The following TTC39B variants were observed in gnomAD, a reference collection of about 807,000 sequenced individuals.
TTC39B encodes tetratricopeptide repeat domain 39B, also known as tetratricopeptide repeat protein 39B.
In TTC39B, 92 loss-of-function variants were observed where a neutral mutation model predicts 96.6. The observed-to-expected ratio is 0.95, with a 90% CI of 0.80 to 1.13. TTC39B has a LOEUF of 1.13. Among genes scored for constraint, TTC39B ranks in the 50% most tolerant of loss-of-function variants. The pLI, the probability that TTC39B is intolerant of heterozygous loss-of-function variation, is 0.00. For missense variants in TTC39B, 955 were observed against 809.3 expected (o/e 1.18, Z -2.18); for synonymous variants, 367 against 299.4 (o/e 1.23, Z -2.33).
intron 2 of TTC39B, among the ~76,000 whole-genome samples, chr9:15,248,602 T>TTGAA (rs56177200): frequency 0.099 from 14,964 of 151,308 alleles, 1,128 homozygotes; most frequent in African/African-American, 0.21. Flanking sequence ...GTAAACATTT[T>TTGAA]TGAATGAATG....
chr9:15,293,628 C>G (rs916042466), intron 1 of TTC39B, among the ~76,000 whole-genome samples: 4 of 152,154 alleles, frequency 2.6e-5, no homozygotes, highest in Admixed American at 2.6e-4. Flanking sequence ...TGTACCCCAG[C>G]CAGGTGATTT....
chr9:15,265,764 T>C (rs1421877312), intron 2 of TTC39B, among the ~76,000 whole-genome samples: 1 of 152,152 alleles, frequency 6.6e-6, no homozygotes, highest in Admixed American at 6.5e-5. Flanking sequence ...ATCTTTGCTA[T>C]GATGTGATAA....
chr9:15,293,260 T>C (rs1331755161), intron 1 of TTC39B, among the ~76,000 whole-genome samples: 1 of 152,164 alleles, frequency 6.6e-6, no homozygotes, highest in African/African-American at 2.4e-5. Context: ...CTGTACCATC[T>C]AGGATTGTGT....
intron 2 of TTC39B, among the ~76,000 whole-genome samples, chr9:15,233,127 C>A (rs943319956): frequency 2.6e-5 from 4 of 152,166 alleles, no homozygotes; most frequent in Admixed American, 6.5e-5. Context: ...TCAGATAACA[C>A]CAGGGTGTAG....
At chr9:15,200,205 T>G (rs997802945) in intron 7 of TTC39B, among the ~76,000 whole-genome samples, 1 of 152,224 alleles carries the variant, frequency 6.6e-6, no homozygotes, top group Admixed American at 6.5e-5. Flanking sequence ...AGGGGCCATA[T>G]GCGGTCCAAA....
intron 2 of TTC39B, among the ~76,000 whole-genome samples, chr9:15,253,119 A>G (rs1822624424): frequency 6.6e-6 from 1 of 152,212 alleles, no homozygotes; most frequent in African/African-American, 2.4e-5. Context: ...TAGGTGTGGT[A>G]GTCTGAATAA....
At chr9:15,233,519 C>G (rs10961927) in intron 2 of TTC39B, among the ~76,000 whole-genome samples, 13,444 of 132,428 alleles carry the variant, frequency 0.1, 998 homozygotes, top group Non-Finnish European at 0.12. Context: ...CCACGCCTGA[C>G]TGGTTTTCGT....
chr9:15,285,872 C>A (rs893754410), intron 1 of TTC39B, among the ~76,000 whole-genome samples: 8 of 152,100 alleles, frequency 5.3e-5, no homozygotes. Context: ...AAAGAATATA[C>A]AAAGGACACC....
At chr9:15,188,199 A>G (rs963924887) in intron 13 of TTC39B, 67 bp from the exon 14 acceptor site, 12 of 1,475,784 alleles carry the variant, frequency 8.1e-6, no homozygotes, top group Admixed American at 4.6e-5. Flanking sequence ...CTAATGGAAA[A>G]ATACATAAAA....
chr9:15,169,776 C>T (rs1347259734), exon 20 of TTC39B: 1 of 151,988 alleles, frequency 6.6e-6, no homozygotes, highest in East Asian at 1.9e-4. Flanking sequence ...ATATAAATAA[C>T]AAAAAAGATT....
Position 15,182,217 on chromosome 9 carries a change from T to G in TTC39B, c.1723+90A>C. On this transcript the variant is annotated intron_variant, in intron 17 of 19. Coordinates refer to ENST00000512701, the Ensembl canonical transcript of TTC39B. ...TCTTTGTCCTTGGGATGTACACAAA[T>G]TAATGTTGGCAGATGTGCACAGGGA... 3.9e-6 allele frequency: 3 copies of G among 776,180 alleles called. No individual in the cohort carries two copies. In the South Asian group the frequency reaches 6.3e-5, roughly 16 times the overall value. The allele number at this position is 776,180 out of a possible 1,614,324, so 48.1% of individuals were successfully genotyped here.
chr9:15,216,292 T>G (rs1222432868), intron 3 of TTC39B, among the ~76,000 whole-genome samples: 1 of 152,194 alleles, frequency 6.6e-6, no homozygotes, highest in East Asian at 1.9e-4. Flanking sequence ...TAGAACATAT[T>G]ACGTGCTCAA....
chr9:15,288,637 C>G (rs1260296885), intron 1 of TTC39B, among the ~76,000 whole-genome samples: 5 of 152,224 alleles, frequency 3.3e-5, no homozygotes, highest in African/African-American at 1.2e-4. Context: ...CTGATTCTTC[C>G]TGGACACTGG....
chr9:15,306,939 C>A lies in TTC39B; in HGVS notation c.240+145G>T. 1 of 1,156,444 alleles carries A rather than the reference C, an allele frequency of 8.6e-7. No homozygotes were observed. The highest frequency in any genetic ancestry group is 1.2e-6 in the Non-Finnish European group (1 of 834,260). The allele number at this position is 1,156,444 out of a possible 1,614,324, so 71.6% of individuals were successfully genotyped here. A position where few individuals can be genotyped will look rare whatever the true frequency, so the allele number is the denominator to read the frequency against. ...CGGGGACAGACCTACCAAGGCCGGG[C>A]GCCCCCACCCGGCGCCCGCCAGCCC... On this transcript the variant is annotated intron_variant, in intron 1 of 19. Coordinates refer to ENST00000512701, the Ensembl canonical transcript of TTC39B. The surrounding 1 kb of genome is among the most constrained non-coding windows in gnomAD (Gnocchi z 5.1).
chr9:15,182,203 G>C (rs1207114761), intron 17 of TTC39B, 104 bp downstream of exon 17: 2 of 665,104 alleles, frequency 3.0e-6, no homozygotes, highest in African/African-American at 3.7e-5. Flanking sequence ...CTTTGTCCTT[G>C]GGATGTACAC....
intron 19 of TTC39B, among the ~76,000 whole-genome samples, chr9:15,174,203 G>C (rs978150220): frequency 6.6e-6 from 1 of 152,080 alleles, no homozygotes. Context: ...TCTCCCTCTG[G>C]CTAACAGAGC....
chr9:15,301,331 G>A (rs1435175439), intron 1 of TTC39B, among the ~76,000 whole-genome samples: 1 of 152,196 alleles, frequency 6.6e-6, no homozygotes, highest in African/African-American at 2.4e-5. Context: ...ATAGTACAGT[G>A]ACTTGTGTTA....
At chr9:15,167,820 A>G (rs1350152052) in exon 20 of TTC39B, 1 of 152,182 alleles carries the variant, frequency 6.6e-6, no homozygotes, top group Non-Finnish European at 1.5e-5. Flanking sequence ...TATAACTCTA[A>G]CAACTGTACT....
chr9:15,193,085 G>T (rs1818952722), intron 8 of TTC39B, among the ~76,000 whole-genome samples: 2 of 152,212 alleles, frequency 1.3e-5, no homozygotes, highest in Non-Finnish European at 1.5e-5. Context: ...GAAATGAAAT[G>T]CTACTGGCAA....
Sources: gnomAD v4.1 joint callset for allele counts (sites outside exome capture counted in the v4.1 genomes callset) on GRCh38, gnomAD v4.1.1 for gene constraint, Gnocchi (gnomAD v3.1) non-coding constraint, MANE v1.5 for transcripts, NCBI Gene and HGNC (gene_info 2026-07-23, HGNC 2026-07-21) for gene names.